Variants in RBFOX1 observed in about 807,000 individuals in gnomAD.
The protein encoded by RBFOX1 is RNA binding protein fox-1 homolog 1.
In RBFOX1, 8 loss-of-function variants were observed where a neutral mutation model predicts 57.7. That is an observed-to-expected ratio of 0.14 (90% CI 0.08 to 0.25). The LOEUF (loss-of-function observed/expected upper bound fraction) is 0.25, where lower values mean the gene tolerates loss of function less well. Among genes scored for constraint, RBFOX1 ranks in the 10% least tolerant of loss-of-function variants. The probability of loss-of-function intolerance (pLI) is 1.00; values close to 1 mark genes in which losing one functional copy is unlikely to be tolerated. For synonymous variants in RBFOX1, 326 were observed against 222.4 expected (o/e 1.47, Z -4.15); for missense variants, 611 against 548.5 (o/e 1.11, Z -1.14).
At chr16:5,725,951 C>A (rs75339250) in intron 3 of RBFOX1, among the ~76,000 whole-genome samples, 2,453 of 152,148 alleles carry the variant, frequency 0.016, 57 homozygotes, top group East Asian at 0.13. Context: ...GACATCCATA[C>A]AAACCCACAT....
intron 1 of RBFOX1, among the ~76,000 whole-genome samples, chr16:5,430,965 A>G (rs1027745182): frequency 2.1e-4 from 32 of 152,212 alleles, no homozygotes; most frequent in African/African-American, 7.2e-4. Flanking sequence ...GCAGTGCATA[A>G]TAAGGTGACT....
At chr16:6,247,623 C>G (rs1429477641) in intron 1 of RBFOX1, among the ~76,000 whole-genome samples, 1 of 152,134 alleles carries the variant, frequency 6.6e-6, no homozygotes, top group East Asian at 1.9e-4. Context: ...CTACAGGAGT[C>G]ATAGTTATTA....
In RBFOX1 at chr16:6,560,220, C is replaced by A. The variant is rs150654849; in HGVS notation, c.-63-94383C>A. On this transcript the variant is annotated intron_variant, in intron 2 of 15. Transcript: ENST00000550418. ...GTCAAGCCCTCATGAAGTCAATATT[C>A]TAGTTGGGGGGAAAAACAATGAAAA... Among the ~76,000 whole-genome samples, 194 of 142,406 alleles carry A rather than the reference C, an allele frequency of 1.4e-3. 1 individual carries two copies. The highest frequency in any genetic ancestry group is 4.8e-3 in the African/African-American group (189 of 38,986). 93.4% of individuals were successfully genotyped at this position (142,406 alleles called of 152,430 possible).
intron 3 of RBFOX1, among the ~76,000 whole-genome samples, chr16:6,951,378 T>G (rs1028295309): frequency 3.9e-5 from 6 of 152,152 alleles, no homozygotes; most frequent in African/African-American, 1.4e-4. Context: ...TAAATCACCC[T>G]AGTATAATGG....
chr16:6,028,150 G>A (rs1187407530), intron 1 of RBFOX1, among the ~76,000 whole-genome samples: 1 of 152,088 alleles, frequency 6.6e-6, no homozygotes. Context: ...AGATGTCCAT[G>A]GCATGGCTCA....
chr16:5,641,157 A>C (rs1402049644), intron 3 of RBFOX1, among the ~76,000 whole-genome samples: 1 of 151,406 alleles, frequency 6.6e-6, no homozygotes, highest in Non-Finnish European at 1.5e-5. Flanking sequence ...ACACACATGC[A>C]TGTACACACA....
chr16:5,834,604 A>AGAT (rs2056391234), intron 3 of RBFOX1, among the ~76,000 whole-genome samples: 1 of 151,306 alleles, frequency 6.6e-6, no homozygotes, highest in African/African-American at 2.5e-5. Context: ...ATAGATAGAT[A>AGAT]GATAGATAGA....
chr16:6,110,876 C>A (rs1042306640), intron 1 of RBFOX1, among the ~76,000 whole-genome samples: 5 of 152,130 alleles, frequency 3.3e-5, no homozygotes, highest in Non-Finnish European at 5.9e-5. Context: ...CCAGCCCCCA[C>A]CACAAAGAAT....
In RBFOX1 at chr16:7,607,332, T is replaced by C; in HGVS notation, c.670T>C (p.Tyr224His). 6.2e-7 allele frequency: 1 copy of C among 1,610,768 alleles called. No individual in the cohort carries two copies. Among genetic ancestry groups the C allele is most frequent in the Non-Finnish European group, 8.5e-7 (1 of 1,179,146 alleles). Reference protein sequence around the residue: ...VVGAVYSPEFYAGTVLLCQAN... With the variant: ...VVGAVYSPEFHAGTVLLCQAN... ...GGGTGCAGTCTACAGTCCCGAATTC[T>C]ATGCAGGTACAGAGTTTCTCTTTGC... The change falls in exon 10 of 16, where the codon TAT becomes CAT. Residue 224 changes from tyrosine (Y) to histidine (H), a missense_variant. This residue lies in a region of RBFOX1 where 99 missense variants were observed against 160.3 expected (regional missense o/e 0.62). Transcript: ENST00000550418.
Position 5,590,728 on chromosome 16 carries a change from C to T in RBFOX1, c.259-8174C>T, listed in dbSNP as rs577660275. Among the ~76,000 whole-genome samples the T allele has an allele frequency of 9.8e-5, 15 of 152,312 alleles. 1 individual carries two copies. The South Asian group carries it at 2.3e-3, about 23-fold the overall frequency. On this transcript the variant is annotated intron_variant, in intron 2 of 2. Transcript: ENST00000585867. ...CTACCCCAGGAGGGGGTTTAATGTT[C>T]GCAGATGCTTCAGCTCACACAGATC...
intron 1 of RBFOX1, chr16:5,260,907 A>G (rs1276207845): frequency 6.6e-6 from 1 of 152,246 alleles, no homozygotes; most frequent in African/African-American, 2.4e-5. Context: ...CCAAATATTA[A>G]TATGAAGATG....
At chr16:6,511,516 A>G (rs2096254687) in intron 2 of RBFOX1, among the ~76,000 whole-genome samples, 1 of 152,220 alleles carries the variant, frequency 6.6e-6, no homozygotes, top group Non-Finnish European at 1.5e-5. Context: ...GTCTGCAGAG[A>G]CAAGGAGCCC....
intron 4 of RBFOX1, among the ~76,000 whole-genome samples, chr16:5,883,243 G>C (rs2057808389): frequency 1.3e-5 from 2 of 152,072 alleles, no homozygotes; most frequent in Admixed American, 1.3e-4. Context: ...AAATGTACAT[G>C]TTGATTTTAA....
rs180687924 is a variant in RBFOX1, at chr16:7,577,589, T to C, written c.271-2188T>C. Among the ~76,000 whole-genome samples the C allele has an allele frequency of 1.0e-3, 154 of 152,360 alleles. 3 individuals are homozygous for C. The highest frequency in any genetic ancestry group is 4.1e-4 in the Non-Finnish European group (28 of 68,032). On this transcript the variant is annotated intron_variant, in intron 5 of 15. Transcript: ENST00000550418. ...TTTAAGGTTACTCAGCCCTTTGTGA[T>C]TGCCTCTTATCCCAACATTTACCAG...
chr16:7,255,928 A>G (rs774543915), intron 4 of RBFOX1, among the ~76,000 whole-genome samples: 3 of 152,220 alleles, frequency 2.0e-5, no homozygotes, highest in African/African-American at 4.8e-5. Context: ...TCTAGAGGAA[A>G]TATAATAAGA....
At chr16:6,082,841 G>C (rs1597126889) in intron 1 of RBFOX1, among the ~76,000 whole-genome samples, 1 of 152,094 alleles carries the variant, frequency 6.6e-6, no homozygotes, top group East Asian at 1.9e-4. Flanking sequence ...TGATGCACTT[G>C]GACCCAATAG....
intron 3 of RBFOX1, among the ~76,000 whole-genome samples, chr16:5,799,374 C>A (rs913177525): frequency 6.6e-6 from 1 of 152,102 alleles, no homozygotes; most frequent in Non-Finnish European, 1.5e-5. Context: ...TTTGTAAAAG[C>A]AACCTCATTG....
In RBFOX1 at chr16:5,881,721, G is replaced by A. The variant is rs1297137307; in HGVS notation, c.351+14386G>A. ...TAAAAAAAGATCAGGGATTAATAAAGGCTAAAATTTTCCCCCCAATGCTAG... is the reference window on the plus strand; with the variant it reads ...TAAAAAAAGATCAGGGATTAATAAAAGCTAAAATTTTCCCCCCAATGCTAG... On this transcript the variant is annotated intron_variant, in intron 4 of 19. Transcript: ENST00000641259. Among the ~76,000 whole-genome samples the A allele has an allele frequency of 2.0e-5, 3 of 152,116 alleles. No individual in the cohort carries two copies. The South Asian group carries it at 6.2e-4, about 32-fold the overall frequency.
chr16:6,837,996 A>C (rs990222321), intron 3 of RBFOX1, among the ~76,000 whole-genome samples: 7 of 140,002 alleles, frequency 5.0e-5, no homozygotes, highest in African/African-American at 2.0e-4. Flanking sequence ...CAATACTGGG[A>C]AGTTACCACC....
Sources: gnomAD v4.1 joint callset for allele counts (sites outside exome capture counted in the v4.1 genomes callset) on GRCh38, gnomAD v4.1.1 for gene constraint, gnomAD v4.1.1 regional missense constraint, MANE v1.5 for transcripts, NCBI Gene and HGNC (gene_info 2026-07-23, HGNC 2026-07-21) for gene names.